The following GUCY1B1 variants were observed in gnomAD, a reference collection of about 807,000 sequenced individuals.
GUCY1B1 encodes guanylate cyclase 1 soluble subunit beta 1, also known as guanylate cyclase soluble subunit beta-1.
A neutral mutation model predicts 71.0 loss-of-function variants in GUCY1B1; 43 were observed. The observed-to-expected ratio is 0.61, with a 90% CI of 0.47 to 0.78. The LOEUF (loss-of-function observed/expected upper bound fraction) is 0.78, where lower values mean the gene tolerates loss of function less well. Ranked by LOEUF, GUCY1B1 falls within the 30% of genes least tolerant of loss-of-function variation. The pLI is 0.00. For synonymous variants in GUCY1B1, 266 were observed against 259.7 expected (o/e 1.02, Z -0.23); for missense variants, 535 against 754.1 (o/e 0.71, Z 3.40).
At chr4:155,792,123 T>TG (rs1209156469) in intron 5 of GUCY1B1, among the ~76,000 whole-genome samples, 4 of 152,202 alleles carry the variant, frequency 2.6e-5, no homozygotes, top group Non-Finnish European at 4.4e-5. Context: ...TTTAATTTTT[T>TG]CAAAAGCACT....
intron 5 of GUCY1B1, among the ~76,000 whole-genome samples, chr4:155,791,250 G>A (rs963192789): frequency 2.6e-5 from 4 of 151,374 alleles, no homozygotes; most frequent in African/African-American, 9.7e-5. Flanking sequence ...AAGTAGCTGG[G>A]ACTACAGGCC....
chr4:155,803,403 C>G (rs145853447), intron 10 of GUCY1B1, among the ~76,000 whole-genome samples: 140 of 152,150 alleles, frequency 9.2e-4, no homozygotes, highest in African/African-American at 3.3e-3. Context: ...CTGTACCTGC[C>G]CGTCATCAAA....
intron 5 of GUCY1B1, among the ~76,000 whole-genome samples, chr4:155,792,298 A>C (rs958076049): frequency 1.3e-5 from 2 of 152,244 alleles, no homozygotes; most frequent in African/African-American, 2.4e-5. Flanking sequence ...TGATCAAAGC[A>C]AAAAAATTAG....
chr4:155,786,809 T>C (rs1243618247), intron 4 of GUCY1B1, among the ~76,000 whole-genome samples: 1 of 151,782 alleles, frequency 6.6e-6, no homozygotes, highest in Non-Finnish European at 1.5e-5. Context: ...GGTTTCACCA[T>C]GTTGGCCAGG....
At chr4:155,765,383 G>A (rs1448658418) in intron 2 of GUCY1B1, among the ~76,000 whole-genome samples, 4 of 152,256 alleles carry the variant, frequency 2.6e-5, no homozygotes, top group Non-Finnish European at 2.9e-5. Flanking sequence ...CTCAGCAGAC[G>A]TGAGTACTTG....
chr4:155,790,888 G>T (rs1257358858), intron 5 of GUCY1B1, among the ~76,000 whole-genome samples: 1 of 152,086 alleles, frequency 6.6e-6, no homozygotes, highest in Non-Finnish European at 1.5e-5. Context: ...TTCTTACGTG[G>T]CACCTTTTGG....
At chr4:155,781,679 G>T (rs1738428044) in intron 4 of GUCY1B1, among the ~76,000 whole-genome samples, 1 of 151,678 alleles carries the variant, frequency 6.6e-6, no homozygotes, top group African/African-American at 2.4e-5. Context: ...AAAATTTAAT[G>T]GATAATAAAA....
chr4:155,777,425 A>T (rs536223508), intron 3 of GUCY1B1, 99 bp from the exon 4 acceptor site: 1 of 701,342 alleles, frequency 1.4e-6, no homozygotes, highest in African/African-American at 1.8e-5. Flanking sequence ...AAAATTGAAG[A>T]CATTTTACAT....
chr4:155,776,976 T>A (rs1186197790), intron 3 of GUCY1B1, among the ~76,000 whole-genome samples: 1 of 151,182 alleles, frequency 6.6e-6, no homozygotes, highest in East Asian at 1.9e-4. Flanking sequence ...GGCTTTCAGA[T>A]TTTTTTTGGA....
rs567657818 is a variant in GUCY1B1, at chr4:155,803,283, C to T, written c.1414-341C>T. The stretch of plus-strand genomic sequence containing the variant: ...AACTTGAAATGGTGGCTCTCCATGC[C>T]GTCAAGCCATCACTGTTTTAGGTAG... On this transcript the variant is annotated intron_variant, in intron 10 of 13. Coordinates refer to ENST00000264424, the MANE Select transcript of GUCY1B1 (RefSeq NM_000857.5). 8.5e-5 allele frequency among the ~76,000 whole-genome samples: 13 copies of T among 152,192 alleles called. No homozygotes were observed. In the East Asian group the frequency reaches 1.7e-3, roughly 20 times the overall value.
chr4:155,801,884 T>C (rs563395370), intron 9 of GUCY1B1, among the ~76,000 whole-genome samples: 1 of 152,318 alleles, frequency 6.6e-6, no homozygotes, highest in East Asian at 1.9e-4. Flanking sequence ...TCTTTTAATA[T>C]TACTTACCAA....
At position 155,766,574 on chromosome 4, in the gene GUCY1B1, G is replaced by T. The variant is rs1222082902; in HGVS notation, c.77+6714G>T. On this transcript the variant is annotated intron_variant, in intron 2 of 13. Coordinates refer to ENST00000264424, the MANE Select transcript of GUCY1B1 (RefSeq NM_000857.5). Reference sequence around the variant, plus strand: ...ATAAACATTTCTTATATCAGCAAAGGCAGAAGATAGAGCAATATAGCAATA... The same window carrying T: ...ATAAACATTTCTTATATCAGCAAAGTCAGAAGATAGAGCAATATAGCAATA... Among the ~76,000 whole-genome samples the T allele has an allele frequency of 2.0e-5, 3 of 152,180 alleles. No homozygotes were observed. The East Asian group carries it at 5.8e-4, about 29-fold the overall frequency.
chr4:155,775,195 G>A, intron 3 of GUCY1B1, 127 bp downstream of exon 3: 2 of 665,620 alleles, frequency 3.0e-6, no homozygotes, highest in Non-Finnish European at 2.7e-6. Context: ...GCATAGTTGT[G>A]TGGTGGGCAT....
intron 7 of GUCY1B1, among the ~76,000 whole-genome samples, chr4:155,795,919 G>A (rs145833271): frequency 3.3e-5 from 5 of 152,146 alleles, no homozygotes; most frequent in African/African-American, 9.6e-5. Flanking sequence ...GGGATCTCAC[G>A]GTTTCTGTTC....
At chr4:155,772,106 T>C (rs1561005309) in intron 2 of GUCY1B1, among the ~76,000 whole-genome samples, 1 of 152,230 alleles carries the variant, frequency 6.6e-6, no homozygotes, top group Non-Finnish European at 1.5e-5. Flanking sequence ...AATGTTTGTA[T>C]ATTACGTTTT....
intron 4 of GUCY1B1, among the ~76,000 whole-genome samples, chr4:155,778,011 A>T (rs1738175380): frequency 1.3e-5 from 2 of 152,114 alleles, no homozygotes; most frequent in Admixed American, 1.3e-4. Flanking sequence ...TTTTCTATTT[A>T]CAAAACATTC....
chr4:155,804,438 G>A (rs1740171218), intron 11 of GUCY1B1, among the ~76,000 whole-genome samples, 155 bp from the exon 12 acceptor site: 2 of 151,916 alleles, frequency 1.3e-5, no homozygotes, highest in East Asian at 1.9e-4. Context: ...TAGATAATGG[G>A]TTGATAGGTG....
chr4:155,769,853 C>A (rs1176710670), intron 2 of GUCY1B1, among the ~76,000 whole-genome samples: 1 of 151,718 alleles, frequency 6.6e-6, no homozygotes, highest in Non-Finnish European at 1.5e-5. Flanking sequence ...CATAATTTCC[C>A]TATTATGTAA....
chr4:155,801,504 C>T (rs536075982), intron 9 of GUCY1B1, among the ~76,000 whole-genome samples: 42 of 152,106 alleles, frequency 2.8e-4, no homozygotes, highest in African/African-American at 9.4e-4. Context: ...AATGAAAGAC[C>T]GGAGAAATTC....
Sources: gnomAD v4.1 joint callset for allele counts (sites outside exome capture counted in the v4.1 genomes callset) on GRCh38, gnomAD v4.1.1 for gene constraint, MANE v1.5 for transcripts, NCBI Gene and HGNC (gene_info 2026-07-23, HGNC 2026-07-21) for gene names.